The following ADAMTS9 variants were observed in gnomAD, a reference collection of about 807,000 sequenced individuals.
The protein encoded by ADAMTS9 is ADAM metallopeptidase with thrombospondin type 1 motif 9, also known as A disintegrin and metalloproteinase with thrombospondin motifs 9.
ADAMTS9 carries 107 observed loss-of-function variants against 257.1 expected under a neutral mutation model. The observed-to-expected ratio is 0.42, with a 90% CI of 0.36 to 0.49. ADAMTS9 has a LOEUF of 0.49. Among genes scored for constraint, ADAMTS9 ranks in the 20% least tolerant of loss-of-function variants. The pLI, the probability that ADAMTS9 is intolerant of heterozygous loss-of-function variation, is 0.03. For synonymous variants in ADAMTS9, 982 were observed against 880.9 expected (o/e 1.11, Z -2.03); for missense variants, 2,353 against 2,469.1 (o/e 0.95, Z 1.00).
At chr3:64,632,094 G>C (rs913827463) in intron 14 of ADAMTS9, among the ~76,000 whole-genome samples, 169 bp from the exon 15 acceptor site, 7 of 152,148 alleles carry the variant, frequency 4.6e-5, no homozygotes, top group African/African-American at 1.2e-4. Context: ...TATTTAAAAT[G>C]TGGTCCTTGG....
intron 4 of ADAMTS9, 30 bp from the exon 5 acceptor site, chr3:64,655,905 A>T: frequency 2.8e-6 from 4 of 1,422,868 alleles, no homozygotes; most frequent in Non-Finnish European, 3.8e-6. Context: ...TTCAAAGTTA[A>T]TTGTGAACTC....
At position 64,542,069 on chromosome 3, in the gene ADAMTS9, G is replaced by A; in HGVS notation, c.5065-99C>T. On this transcript the variant is annotated intron_variant, in intron 32 of 39. Coordinates refer to ENST00000498707, the MANE Select transcript of ADAMTS9 (RefSeq NM_182920.2). ...AGAGCCCTGATGTCATCATGTACAG[G>A]GTGTCACTTCAGACCCTGTGTCGCT... 4.0e-6 allele frequency: 6 copies of A among 1,500,436 alleles called. No individual in the cohort carries two copies. The South Asian group carries it at 6.3e-5, about 16-fold the overall frequency. 92.9% of individuals were successfully genotyped at this position (1,500,436 alleles called of 1,614,324 possible). A position where few individuals can be genotyped will look rare whatever the true frequency, so the allele number is the denominator to read the frequency against.
chr3:64,631,746 G>C, intron 15 of ADAMTS9, 62 bp downstream of exon 15: 1 of 1,439,258 alleles, frequency 6.9e-7, no homozygotes. Flanking sequence ...TATTACATGT[G>C]GTTAACAATT....
At chr3:64,563,869 G>A (rs79474008) in intron 29 of ADAMTS9, among the ~76,000 whole-genome samples, 3,057 of 152,218 alleles carry the variant, frequency 0.02, 118 homozygotes, top group African/African-American at 0.07. Flanking sequence ...CCACTCCATC[G>A]GAGTTAGTTT....
chr3:64,525,967 TTATG>T (rs1317612953), intron 38 of ADAMTS9, among the ~76,000 whole-genome samples: 1 of 147,908 alleles, frequency 6.8e-6, no homozygotes, highest in African/African-American at 2.5e-5. Flanking sequence ...TATATAAAAT[TTATG>T]TATAAAATTT....
chr3:64,537,805 G>A, intron 37 of ADAMTS9, among the ~76,000 whole-genome samples: 1 of 152,200 alleles, frequency 6.6e-6, no homozygotes, highest in East Asian at 1.9e-4. Context: ...AACTGGCCAA[G>A]TTCTCCTGCC....
At chr3:64,659,534 C>G (rs542564034) in intron 3 of ADAMTS9, among the ~76,000 whole-genome samples, 2 of 150,154 alleles carry the variant, frequency 1.3e-5, no homozygotes, top group African/African-American at 4.9e-5. Flanking sequence ...TCAATGAGTT[C>G]TAATACAAAG....
chr3:64,520,686 T>C (rs1033025934), intron 39 of ADAMTS9, among the ~76,000 whole-genome samples: 2 of 151,712 alleles, frequency 1.3e-5, no homozygotes, highest in Non-Finnish European at 2.9e-5. Flanking sequence ...TCAACAAAAA[T>C]AAACAATGGG....
rs1701003157 is a variant in ADAMTS9 at position 64,654,298 on chromosome 3, G to T, written c.1316+55C>A. ...CAAGTAAATGCTCACTGATGCGAAGGAATAAAAGGTTTAGGTCACTCCAAA... is the reference window on the plus strand; with the variant it reads ...CAAGTAAATGCTCACTGATGCGAAGTAATAAAAGGTTTAGGTCACTCCAAA... On this transcript the variant is annotated intron_variant, in intron 8 of 39. Coordinates refer to ENST00000498707, the MANE Select transcript of ADAMTS9 (RefSeq NM_182920.2). 3 of 1,516,882 alleles carry T rather than the reference G, an allele frequency of 2.0e-6. 1 individual carries two copies. In the South Asian group the frequency reaches 3.5e-5, roughly 18 times the overall value. 94.0% of individuals were successfully genotyped at this position (1,516,882 alleles called of 1,614,324 possible). A position where few individuals can be genotyped will look rare whatever the true frequency, so the allele number is the denominator to read the frequency against.
At chr3:64,567,691 G>A (rs2083576811) in intron 29 of ADAMTS9, among the ~76,000 whole-genome samples, 1 of 151,828 alleles carries the variant, frequency 6.6e-6, no homozygotes, top group Non-Finnish European at 1.5e-5. Context: ...AGTGTCTTGG[G>A]TACTCACACC....
At chr3:64,661,587 G>T (rs1451265828) in intron 3 of ADAMTS9, among the ~76,000 whole-genome samples, 2 of 152,180 alleles carry the variant, frequency 1.3e-5, no homozygotes. Flanking sequence ...CCGAAATTGT[G>T]CTCTTTCGAT....
intron 38 of ADAMTS9, among the ~76,000 whole-genome samples, chr3:64,524,816 G>A (rs181984802): frequency 2.1e-4 from 32 of 152,204 alleles, no homozygotes; most frequent in South Asian, 8.3e-4. Flanking sequence ...GATTCATCTG[G>A]TACCATTCTG....
chr3:64,643,439 T>C (rs1700706776), intron 11 of ADAMTS9, among the ~76,000 whole-genome samples: 1 of 143,346 alleles, frequency 7.0e-6, no homozygotes, highest in Non-Finnish European at 1.5e-5. Context: ...ATAACATTAC[T>C]CAATAATTTT....
chr3:64,544,767 A>T (rs1353442181), intron 32 of ADAMTS9, among the ~76,000 whole-genome samples: 2 of 152,224 alleles, frequency 1.3e-5, no homozygotes, highest in Non-Finnish European at 2.9e-5. Context: ...GACAAACAGG[A>T]TCTAATTAAA....
intron 19 of ADAMTS9, among the ~76,000 whole-genome samples, chr3:64,620,824 A>C (rs887752244): frequency 5.3e-5 from 8 of 152,186 alleles, no homozygotes; most frequent in African/African-American, 1.9e-4. Context: ...AATGTGACTC[A>C]ATCATAATGC....
At chr3:64,517,432 T>TTTTTTTTTTTTTG in intron 39 of ADAMTS9, among the ~76,000 whole-genome samples, 1 of 134,310 alleles carries the variant, frequency 7.4e-6, no homozygotes, top group Non-Finnish European at 1.6e-5. Context: ...TTTTTTTTTT[T>TTTTTTTTTTTTTG]TTTTTTTGCA....
intron 37 of ADAMTS9, among the ~76,000 whole-genome samples, chr3:64,536,591 T>G (rs1306708466): frequency 6.6e-6 from 1 of 152,114 alleles, no homozygotes; most frequent in African/African-American, 2.4e-5. Flanking sequence ...CACACTTAGG[T>G]TCAAATCCAG....
At chr3:64,649,917 C>T (rs995832816) in intron 9 of ADAMTS9, 139 bp from the exon 10 acceptor site, 1 of 1,085,860 alleles carries the variant, frequency 9.2e-7, no homozygotes, top group Non-Finnish European at 1.3e-6. Context: ...TTCTTTACAT[C>T]CAAGATTAAA....
chr3:64,578,658 T>A (rs965445302), intron 28 of ADAMTS9, among the ~76,000 whole-genome samples: 1 of 152,216 alleles, frequency 6.6e-6, no homozygotes, highest in East Asian at 1.9e-4. Context: ...AAACTTAACA[T>A]GTTCAAAACA....
Sources: allele counts gnomAD v4.1 joint callset (sites outside exome capture counted in the v4.1 genomes callset), GRCh38; gene constraint gnomAD v4.1.1; transcripts MANE v1.5; gene names NCBI Gene and HGNC (gene_info 2026-07-23, HGNC 2026-07-21).